SORCS1: variants seen among roughly 807,000 people sequenced by gnomAD.
SORCS1 encodes the protein VPS10 domain-containing receptor SorCS1.
SORCS1 carries 60 observed loss-of-function variants against 146.1 expected under a neutral mutation model. That is an observed-to-expected ratio of 0.41 (90% CI 0.33 to 0.51). SORCS1 has a LOEUF of 0.51. Among genes scored for constraint, SORCS1 ranks in the 20% least tolerant of loss-of-function variants. The pLI is 0.21. For synonymous variants in SORCS1, 637 were observed against 584.0 expected, an observed-to-expected ratio of 1.09 and a Z score of -1.31; for missense variants, 1,352 against 1,487.6, an observed-to-expected ratio of 0.91 and a Z score of 1.50.
intron 1 of SORCS1, among the ~76,000 whole-genome samples, chr10:106,967,483 C>T (rs1955551423): frequency 1.3e-5 from 2 of 152,046 alleles, no homozygotes; most frequent in Admixed American, 1.3e-4. Context: ...GAGGAAAATG[C>T]ATATTCAAGA....
At chr10:107,139,365 A>G (rs903518056) in intron 1 of SORCS1, among the ~76,000 whole-genome samples, 2 of 152,218 alleles carry the variant, frequency 1.3e-5, no homozygotes, top group Non-Finnish European at 2.9e-5. Context: ...TCAAGACAAA[A>G]TGCAATTTCT....
chr10:106,987,656 T>C (rs1564892137), intron 1 of SORCS1, among the ~76,000 whole-genome samples: 1 of 152,148 alleles, frequency 6.6e-6, no homozygotes, highest in African/African-American at 2.4e-5. Flanking sequence ...TAAAACCCAT[T>C]CAGTTTCTGT....
intron 1 of SORCS1, among the ~76,000 whole-genome samples, chr10:107,113,736 T>C (rs1333979904): frequency 6.7e-6 from 1 of 149,698 alleles, no homozygotes; most frequent in Non-Finnish European, 1.5e-5. Flanking sequence ...AACAACCTAT[T>C]GTTACACCTC....
chr10:106,581,120 T>G (rs1237287130), intron 24 of SORCS1, among the ~76,000 whole-genome samples: 3 of 152,186 alleles, frequency 2.0e-5, no homozygotes, highest in Non-Finnish European at 4.4e-5. Context: ...ACCCTGCAAC[T>G]GGTAGGATGT....
At chr10:106,860,512 A>T (rs535498395) in intron 2 of SORCS1, among the ~76,000 whole-genome samples, 117 of 152,374 alleles carry the variant, frequency 7.7e-4, no homozygotes, top group Middle Eastern at 3.4e-3. Context: ...GTTCTCTAAC[A>T]TCGCACGAGT....
chr10:107,000,419 G>T (rs1957170015), intron 1 of SORCS1, among the ~76,000 whole-genome samples: 1 of 150,804 alleles, frequency 6.6e-6, no homozygotes, highest in African/African-American at 2.5e-5. Context: ...CCAGCATGGT[G>T]AAACCCCGTC....
At chr10:106,808,361 T>C (rs1386362819) in intron 3 of SORCS1, among the ~76,000 whole-genome samples, 2 of 152,258 alleles carry the variant, frequency 1.3e-5, no homozygotes, top group East Asian at 1.9e-4. Context: ...TAAATGCACA[T>C]CCCTTTGTGT....
At chr10:106,857,406 G>A (rs1949830935) in intron 2 of SORCS1, among the ~76,000 whole-genome samples, 1 of 152,190 alleles carries the variant, frequency 6.6e-6, no homozygotes, top group African/African-American at 2.4e-5. Context: ...AAGCATCAGG[G>A]CATTACTCAA....
chr10:106,620,211 G>T, intron 20 of SORCS1: 1 of 482,182 alleles, frequency 2.1e-6, no homozygotes, highest in Non-Finnish European at 3.5e-6. Flanking sequence ...TAAACATAGA[G>T]GAAGGCAGAG....
At chr10:106,995,835 G>A (rs1173730521) in intron 1 of SORCS1, among the ~76,000 whole-genome samples, 2 of 151,916 alleles carry the variant, frequency 1.3e-5, no homozygotes, top group East Asian at 3.8e-4. Context: ...AAAGGATTTG[G>A]GTCAAAGATT....
chr10:106,934,403 G>C (rs371807747), intron 2 of SORCS1, among the ~76,000 whole-genome samples: 2,938 of 151,802 alleles, frequency 0.019, 104 homozygotes, highest in African/African-American at 0.066. Context: ...GACTACAGGC[G>C]CCACCACCAC....
intron 2 of SORCS1, among the ~76,000 whole-genome samples, chr10:106,885,616 C>G (rs1950967704): frequency 1.3e-5 from 2 of 152,058 alleles, no homozygotes; most frequent in African/African-American, 4.8e-5. Flanking sequence ...CAAGGATGCT[C>G]AATGTATGAT....
At chr10:106,804,836 A>G (rs1947084257) in intron 3 of SORCS1, among the ~76,000 whole-genome samples, 1 of 152,206 alleles carries the variant, frequency 6.6e-6, no homozygotes, top group Non-Finnish European at 1.5e-5. Flanking sequence ...AAAGAATATC[A>G]TTGTTTCTAA....
chr10:106,948,549 C>A (rs1954489243), intron 2 of SORCS1, among the ~76,000 whole-genome samples: 2 of 151,854 alleles, frequency 1.3e-5, no homozygotes, highest in Admixed American at 1.3e-4. Context: ...TGGTGTGTAC[C>A]TGTAGTACCA....
chr10:106,998,587 C>T (rs1957090208), intron 1 of SORCS1, among the ~76,000 whole-genome samples: 2 of 152,228 alleles, frequency 1.3e-5, no homozygotes, highest in Non-Finnish European at 2.9e-5. Flanking sequence ...GTATTAGATA[C>T]TTTCAGATAT....
chr10:106,967,895 A>G (rs889656820), intron 1 of SORCS1, among the ~76,000 whole-genome samples: 3 of 151,996 alleles, frequency 2.0e-5, no homozygotes, highest in African/African-American at 7.2e-5. Context: ...TCTCTCTGAA[A>G]GTCTATTAAA....
At chr10:106,719,856 T>C (rs1855660326) in intron 6 of SORCS1, among the ~76,000 whole-genome samples, 1 of 152,150 alleles carries the variant, frequency 6.6e-6, no homozygotes, top group Non-Finnish European at 1.5e-5. Flanking sequence ...TGCCCGCCCC[T>C]CTCTCTATTC....
intron 24 of SORCS1, among the ~76,000 whole-genome samples, chr10:106,581,671 C>A (rs1844924336): frequency 6.6e-6 from 1 of 152,152 alleles, no homozygotes; most frequent in Admixed American, 6.5e-5. Flanking sequence ...CAACCAACAG[C>A]CAGTCTTATT....
intron 1 of SORCS1, among the ~76,000 whole-genome samples, chr10:106,976,344 T>TTTTTTTTG (rs1564878144): frequency 6.6e-4 from 66 of 100,674 alleles, no homozygotes; most frequent in African/African-American, 1.8e-3. Flanking sequence ...TTTTTTTTTT[T>TTTTTTTTG]TTTTTGAGAC....
Sources: allele counts gnomAD v4.1 joint callset (sites outside exome capture counted in the v4.1 genomes callset), GRCh38; gene constraint gnomAD v4.1.1; transcripts MANE v1.5; gene names NCBI Gene and HGNC (gene_info 2026-07-23, HGNC 2026-07-21).